The following JAKMIP3 variants were observed in gnomAD, a reference collection of about 807,000 sequenced individuals.
The protein encoded by JAKMIP3 is Janus kinase and microtubule interacting protein 3.
JAKMIP3 carries 58 observed loss-of-function variants against 118.5 expected under a neutral mutation model. The observed-to-expected ratio is 0.49, with a 90% CI of 0.40 to 0.61. The LOEUF is 0.61. Among genes scored for constraint, JAKMIP3 ranks in the 20% least tolerant of loss-of-function variants. JAKMIP3 has a pLI of 0.00. For missense variants in JAKMIP3, 950 were observed against 1,109.0 expected, an observed-to-expected ratio of 0.86 and a Z score of 2.04; for synonymous variants, 486 against 451.2, an observed-to-expected ratio of 1.08 and a Z score of -0.98.
At chr10:132,109,258 G>T (rs190175318) in intron 2 of JAKMIP3, among the ~76,000 whole-genome samples, 3 of 152,094 alleles carry the variant, frequency 2.0e-5, no homozygotes, top group Admixed American at 2.0e-4. Context: ...AGCCATGATT[G>T]TGCCACTGCA....
At chr10:132,088,817 C>G (rs1039693076) in intron 1 of JAKMIP3, among the ~76,000 whole-genome samples, 2 of 152,192 alleles carry the variant, frequency 1.3e-5, no homozygotes, top group African/African-American at 4.8e-5. Flanking sequence ...CCTAGGTTTT[C>G]TTCTAGGGTT....
chr10:132,086,306 A>G (rs2042387281), intron 1 of JAKMIP3, among the ~76,000 whole-genome samples: 1 of 152,166 alleles, frequency 6.6e-6, no homozygotes, highest in Non-Finnish European at 1.5e-5. Flanking sequence ...AGAAAGTTCC[A>G]TATGCTGTTA....
At chr10:132,050,824 G>A (rs1385098399) in intron 1 of JAKMIP3, among the ~76,000 whole-genome samples, 4 of 152,228 alleles carry the variant, frequency 2.6e-5, no homozygotes, top group Non-Finnish European at 5.9e-5. Context: ...AAGTTGTTCT[G>A]CATCCTTGCT....
In JAKMIP3 at chr10:132,112,069, T is replaced by G. The variant is rs1297468562; in HGVS notation, c.136-5008T>G. Among the ~76,000 whole-genome samples, 1 of 152,058 alleles carries G rather than the reference T, an allele frequency of 6.6e-6. No homozygotes were observed. The highest frequency in any genetic ancestry group is 1.5e-5 in the Non-Finnish European group (1 of 68,002). On this transcript the variant is annotated intron_variant, in intron 2 of 23. Transcript: ENST00000684848. This position sits in a 1 kb window ranked among gnomAD's most constrained non-coding sequence, Gnocchi z 4.3. Reference sequence around the variant, plus strand: ...TGCGGGTGGACGGTGCATGGGATGCTCCAGGCTTGGGTCTGAGCAGCAGTG... The same window carrying G: ...TGCGGGTGGACGGTGCATGGGATGCGCCAGGCTTGGGTCTGAGCAGCAGTG...
intron 1 of JAKMIP3, among the ~76,000 whole-genome samples, chr10:132,043,657 C>G (rs938596355): frequency 3.9e-5 from 6 of 152,132 alleles, no homozygotes; most frequent in South Asian, 2.1e-4. Flanking sequence ...TCCAGGAGCC[C>G]GTGGACACAG....
chr10:132,143,149 G>GTC, intron 11 of JAKMIP3, among the ~76,000 whole-genome samples: 1 of 151,048 alleles, frequency 6.6e-6, no homozygotes, highest in Non-Finnish European at 1.5e-5. Context: ...AGTCGGGGTG[G>GTC]GGGGGGCTGG....
chr10:132,088,425 C>T (rs111868908), intron 1 of JAKMIP3, among the ~76,000 whole-genome samples: 2 of 152,086 alleles, frequency 1.3e-5, no homozygotes, highest in Non-Finnish European at 2.9e-5. Flanking sequence ...TGGTATCTCA[C>T]TGTGGTTTTG....
At chr10:132,080,723 T>A (rs544882254) in intron 1 of JAKMIP3, among the ~76,000 whole-genome samples, 1 of 151,788 alleles carries the variant, frequency 6.6e-6, no homozygotes, top group East Asian at 1.9e-4. Flanking sequence ...TTTCACCATG[T>A]TGACCGGGCT....
chr10:132,092,018 C>G (rs2043157126), intron 1 of JAKMIP3, among the ~76,000 whole-genome samples: 2 of 151,972 alleles, frequency 1.3e-5, no homozygotes, highest in Admixed American at 6.6e-5. Context: ...TTTTATTTCT[C>G]CTTCACTTAT....
At chr10:132,043,971 G>A (rs1213159943) in intron 1 of JAKMIP3, among the ~76,000 whole-genome samples, 1 of 152,218 alleles carries the variant, frequency 6.6e-6, no homozygotes, top group Non-Finnish European at 1.5e-5. Context: ...CTGGGCCTGC[G>A]TTTGATCCCA....
chr10:132,049,972 C>T lies in JAKMIP3; in HGVS notation c.-138+13234C>T, dbSNP rs1396885998. 1.3e-5 allele frequency among the ~76,000 whole-genome samples: 2 copies of T among 152,116 alleles called. No individual in the cohort carries two copies. Among genetic ancestry groups the T allele is most frequent in the East Asian group, 1.9e-4 (1 of 5,192 alleles). On this transcript the variant is annotated intron_variant, in intron 1 of 23. Coordinates refer to the JAKMIP3 transcript ENST00000657785. This position sits in a 1 kb window ranked among gnomAD's most constrained non-coding sequence, Gnocchi z 4.3. ...ACATTTTAGTGAGGTTTTTTTGTTT[C>T]GTTTTGATGATGGAGGTTTGTGAAT...
intron 19 of JAKMIP3, among the ~76,000 whole-genome samples, chr10:132,162,055 G>C (rs1455266681): frequency 1.4e-5 from 2 of 147,632 alleles, no homozygotes; most frequent in African/African-American, 4.8e-5. Flanking sequence ...TGTGGCTCTC[G>C]GTCGCTCGGG....
At chr10:132,076,498 T>C (rs1463453300) in intron 1 of JAKMIP3, among the ~76,000 whole-genome samples, 1 of 152,294 alleles carries the variant, frequency 6.6e-6, no homozygotes, top group Non-Finnish European at 1.5e-5. Context: ...TGTGGACTTG[T>C]GTTTCCGTTC....
Position 132,145,195 on chromosome 10 carries a change from G to T in JAKMIP3, c.1686+5G>T. 1 of 1,603,844 alleles carries T rather than the reference G, an allele frequency of 6.2e-7. No homozygotes were observed. The highest frequency in any genetic ancestry group is 8.5e-7 in the Non-Finnish European group (1 of 1,175,228). On this transcript the variant is annotated splice_donor_5th_base_variant and intron_variant, in intron 12 of 23. Transcript: ENST00000684848. ...GCCCTGGCGGAGCAGGGGCAGGTGA[G>T]CCTGCAGCCATCTGCACGGGCGTGG...
At chr10:132,135,546 T>G (rs1259219032) in intron 5 of JAKMIP3, among the ~76,000 whole-genome samples, 2 of 136,134 alleles carry the variant, frequency 1.5e-5, no homozygotes, top group Non-Finnish European at 3.5e-5. Flanking sequence ...AAGGGTCCAG[T>G]AGGCTGGGTG....
intron 2 of JAKMIP3, among the ~76,000 whole-genome samples, chr10:132,114,306 C>G (rs935076994): frequency 1.5e-4 from 23 of 152,266 alleles, no homozygotes; most frequent in African/African-American, 4.8e-4. Context: ...GCCTCTACCC[C>G]CCGGCTCAAG....
intron 4 of JAKMIP3, among the ~76,000 whole-genome samples, chr10:132,134,122 C>T (rs1014865069): frequency 5.3e-5 from 8 of 152,210 alleles, no homozygotes; most frequent in East Asian, 1.9e-4. Flanking sequence ...GCTGCCGCTC[C>T]GCACTCATAT....
intron 9 of JAKMIP3, among the ~76,000 whole-genome samples, chr10:132,139,310 GTGTA>G (rs1185725690): frequency 1.7e-5 from 2 of 116,002 alleles, no homozygotes; most frequent in East Asian, 2.8e-4. Context: ...GTGTGTGAGT[GTGTA>G]TGTGTATGTG....
In JAKMIP3 at chr10:132,142,027, G is replaced by A. The variant is rs753309951; in HGVS notation, c.1581G>A (p.Leu527=). Residue 527 remains leucine (L), a synonymous_variant, in exon 11 of 24, where the codon CTG becomes CTA. Coordinates refer to ENST00000684848, the MANE Select transcript of JAKMIP3 (RefSeq NM_001323087.2). ...TGCAGGAGCAGGTTGGAGGGACGCT[G>A]GACGCAGAGCGAGAAGTTAAGGTCT... The part of the protein sequence containing the change: ...ALLQEQVGGT[L]DAEREVKTRE... The A allele has an allele frequency of 1.7e-5, 27 of 1,608,298 alleles. 1 individual carries two copies. The South Asian group carries it at 3.0e-4, about 18-fold the overall frequency.
Sources: allele counts gnomAD v4.1 joint callset (sites outside exome capture counted in the v4.1 genomes callset), GRCh38; gene constraint gnomAD v4.1.1; non-coding constraint Gnocchi (gnomAD v3.1); transcripts MANE v1.5; gene names NCBI Gene and HGNC (gene_info 2026-07-23, HGNC 2026-07-21).